STAG3: variants seen among roughly 807,000 people sequenced by gnomAD.
STAG3 encodes the protein cohesin subunit SA-3.
STAG3 carries 101 observed loss-of-function variants against 160.7 expected under a neutral mutation model. That is an observed-to-expected ratio of 0.63 (90% CI 0.54 to 0.74). The LOEUF is 0.74. STAG3 is among the 30% of genes least tolerant of loss of function. STAG3 has a pLI of 0.00. For missense variants in STAG3, 1,188 were observed against 1,517.4 expected, an observed-to-expected ratio of 0.78 and a Z score of 3.61; for synonymous variants, 519 against 585.0, an observed-to-expected ratio of 0.89 and a Z score of 1.63.
rs1289003982 is a variant in STAG3 at position 100,210,801 on chromosome 7, A to G, written c.3239-210A>G. On this transcript the variant is annotated intron_variant, in intron 29 of 33. Coordinates refer to ENST00000615138, the MANE Select transcript of STAG3 (RefSeq NM_001282717.2). ...AGTTCTTCTTGGACAAGGCCTAGCT[A>G]CAATTCTCTAAGCCTTACTTTTTGG... Among the ~76,000 whole-genome samples the G allele has an allele frequency of 2.0e-5, 3 of 152,324 alleles. No individual in the cohort carries two copies. In the South Asian group the frequency reaches 6.2e-4, roughly 32 times the overall value.
chr7:100,187,563 G>GA (rs1800098783), intron 5 of STAG3, among the ~76,000 whole-genome samples: 1 of 152,154 alleles, frequency 6.6e-6, no homozygotes, highest in Non-Finnish European at 1.5e-5. Context: ...GGTGCAGCCT[G>GA]GCCCTTCATT....
rs1257604648 is a variant in STAG3 at position 100,211,690 on chromosome 7, T to C, written c.3519-105T>C. ...TGTCAGCACAATCGGGAAACTACTA[T>C]GCTGTACTTACTGCTCCCCACTTCC... On this transcript the variant is annotated intron_variant, in intron 31 of 33. Coordinates refer to ENST00000615138, the MANE Select transcript of STAG3 (RefSeq NM_001282717.2). The C allele has an allele frequency of 1.4e-5, 20 of 1,419,806 alleles. No homozygotes were observed. In the East Asian group the frequency reaches 3.4e-4, roughly 24 times the overall value. 88.0% of individuals were successfully genotyped at this position (1,419,806 alleles called of 1,614,324 possible).
chr7:100,211,077 T>TGCCCCCCCCCCC lies in STAG3; in HGVS notation c.3305_3306insGCCCCCCCCCCC (p.Ile1102delinsMetProProProPro). On this transcript the variant is annotated protein_altering_variant, in exon 30 of 34. Transcript: ENST00000615138. ...GAAGAAAGTCTGCAGCTGAACAGCA[T>TGCCCCCCCCCCC]CCCGCCCACGCCCACCCTCACCTCC... 7 of 1,600,756 alleles carry TGCCCCCCCCCCC rather than the reference T, an allele frequency of 4.4e-6. No homozygotes were observed. The highest frequency in any genetic ancestry group is 6.0e-6 in the Non-Finnish European group (7 of 1,168,782).
chr7:100,216,716 G>A (rs1453522911), downstream of STAG3, among the ~76,000 whole-genome samples: 1 of 151,732 alleles, frequency 6.6e-6, no homozygotes, highest in Non-Finnish European at 1.5e-5. Flanking sequence ...CAGGAGAATC[G>A]CTTGAATTTG....
At chr7:100,216,369 AGT>A (rs1359013640), downstream of STAG3, among the ~76,000 whole-genome samples, 2 of 148,276 alleles carry the variant, frequency 1.3e-5, no homozygotes, top group Non-Finnish European at 3.0e-5. Context: ...ATGTAACATG[AGT>A]TGACGAAATA....
At position 100,212,340 on chromosome 7, in the gene STAG3, G is replaced by A. The variant is rs182456726; in HGVS notation, c.3600+464G>A. ...GTTTCCCCAGGAGGAACTGCTGCTGGTGTAGTGGGAAAAGCCTGGCATTTG... is the reference window on the plus strand; with the variant it reads ...GTTTCCCCAGGAGGAACTGCTGCTGATGTAGTGGGAAAAGCCTGGCATTTG... On this transcript the variant is annotated intron_variant, in intron 32 of 33. Transcript: ENST00000615138. 1,392 of 155,742 alleles carry A rather than the reference G, an allele frequency of 8.9e-3. 13 individuals carry two copies. The highest frequency in any genetic ancestry group is 0.014 in the Middle Eastern group (4 of 296). The allele number at this position is 155,742 out of a possible 1,614,324, so 9.6% of individuals were successfully genotyped here.
At chr7:100,199,240 C>A (rs1800907584) in intron 14 of STAG3, 22 bp from the exon 15 acceptor site, 8 of 1,511,394 alleles carry the variant, frequency 5.3e-6, no homozygotes, top group Non-Finnish European at 7.4e-6. Flanking sequence ...ATCATTAACT[C>A]CCCATGCACG....
chr7:100,190,422 A>G (rs1157455691), intron 8 of STAG3, among the ~76,000 whole-genome samples: 1 of 152,184 alleles, frequency 6.6e-6, no homozygotes. Context: ...CTAAATCACT[A>G]GAGAAGGAAA....
chr7:100,200,123 C>G (rs896301970), intron 16 of STAG3, 113 bp from the exon 17 acceptor site: 2 of 658,438 alleles, frequency 3.0e-6, no homozygotes, highest in African/African-American at 3.7e-5. Flanking sequence ...GTGGGAGCTA[C>G]TGAGTTCTCT....
rs376380968 is a variant in STAG3 at position 100,199,654 on chromosome 7, G to T, written c.1677+10G>T. Reference sequence around the variant, plus strand: ...GGTCACTGGGAGGAAGGTATGGTGTGAGGGTAGAGTGGGTAGGTCAGCAAT... The same window carrying T: ...GGTCACTGGGAGGAAGGTATGGTGTTAGGGTAGAGTGGGTAGGTCAGCAAT... On this transcript the variant is annotated intron_variant, in intron 16 of 33. Coordinates refer to ENST00000615138, the MANE Select transcript of STAG3 (RefSeq NM_001282717.2). 5 of 1,574,952 alleles carry T rather than the reference G, an allele frequency of 3.2e-6. No individual in the cohort carries two copies. The African/African-American group carries it at 6.7e-5, about 21-fold the overall frequency.
intron 2 of STAG3, among the ~76,000 whole-genome samples, chr7:100,181,859 C>T (rs572882881): frequency 4.9e-5 from 7 of 142,860 alleles, no homozygotes; most frequent in South Asian, 4.4e-4. Flanking sequence ...TGAGATCATG[C>T]GATTGCACTC....
At chr7:100,188,391 T>A in intron 5 of STAG3, 62 bp from the exon 6 acceptor site, 2 of 1,105,452 alleles carry the variant, frequency 1.8e-6, no homozygotes, top group South Asian at 1.2e-5. Context: ...CAGGTATATC[T>A]GTAAATGATC....
intron 27 of STAG3, 45 bp downstream of exon 27, chr7:100,204,820 C>G (rs376507385): frequency 1.9e-6 from 3 of 1,607,572 alleles, no homozygotes; most frequent in South Asian, 1.1e-5. Context: ...GGGCTGGGAA[C>G]GAGGTCTTGG....
In STAG3 at chr7:100,202,515, C is replaced by A; in HGVS notation, c.2625C>A (p.Ala875=). ...TACACCAGCGGCGCCGCCTCCTAGC[C>A]GGGTTCTGCAAGCTGTTGCTTTATG... ...ERLHQRRRLL[A]GFCKLLLYGV... Residue 875 remains alanine, a synonymous_variant, in exon 25 of 34, where the codon GCC becomes GCA. Transcript: ENST00000615138. 1 of 1,614,198 alleles carries A rather than the reference C, an allele frequency of 6.2e-7. No individual in the cohort carries two copies. The highest frequency in any genetic ancestry group is 1.1e-5 in the South Asian group (1 of 91,084).
In STAG3 at chr7:100,205,305, C is replaced by T; in HGVS notation, c.3159C>T (p.Cys1053=). ...GHPWGPVTTY[C]HSLSPVENTA... is the part of the protein sequence containing the mutation. ...CCTGGGGCCCAGTCACCACCTACTG[C>T]CACTCCCTCAGCCCTGTGGAGAACA... is the stretch of plus-strand genomic sequence containing the variant. The change falls in exon 29 of 34, where the codon TGC becomes TGT. Residue 1053 remains cysteine, a synonymous_variant. Coordinates refer to ENST00000615138, the MANE Select transcript of STAG3 (RefSeq NM_001282717.2). The T allele has an allele frequency of 6.2e-7, 1 of 1,614,174 alleles. No homozygotes were observed. The highest frequency in any genetic ancestry group is 1.6e-4 in the Middle Eastern group (1 of 6,062).
chr7:100,210,384 T>C (rs1277060722), intron 29 of STAG3, among the ~76,000 whole-genome samples: 1 of 152,254 alleles, frequency 6.6e-6, no homozygotes, highest in African/African-American at 2.4e-5. Context: ...TCTCAGGCAG[T>C]GAGAATCTTT....
chr7:100,193,197 G>C (rs1347820586), intron 8 of STAG3, among the ~76,000 whole-genome samples: 1 of 152,206 alleles, frequency 6.6e-6, no homozygotes, highest in Non-Finnish European at 1.5e-5. Context: ...ACCATACTGT[G>C]AACAGATGTG....
At position 100,205,218 on chromosome 7, in the gene STAG3, C is replaced by G; in HGVS notation, c.3081-9C>G. On this transcript the variant is annotated splice_polypyrimidine_tract_variant and intron_variant, in intron 28 of 33. Transcript: ENST00000615138. ...CCCCTTCAGGCTTTTGGTTCTACCT[C>G]TTTCATAGACTGTCCTATCTAGAAA... 1 of 1,613,644 alleles carries G rather than the reference C, an allele frequency of 6.2e-7. No homozygotes were observed.
intron 29 of STAG3, among the ~76,000 whole-genome samples, chr7:100,208,470 A>T (rs1364331801): frequency 6.6e-6 from 1 of 152,254 alleles, no homozygotes; most frequent in African/African-American, 2.4e-5. Flanking sequence ...TGTAGAATTC[A>T]GAGAATGATG....
Sources: gnomAD v4.1 joint callset for allele counts (sites outside exome capture counted in the v4.1 genomes callset) on GRCh38, gnomAD v4.1.1 for gene constraint, MANE v1.5 for transcripts, NCBI Gene and HGNC (gene_info 2026-07-23, HGNC 2026-07-21) for gene names.